The following CSMD3 variants were observed in gnomAD, a reference collection of about 807,000 sequenced individuals.
The protein encoded by CSMD3 is CUB and Sushi multiple domains 3.
CSMD3 carries 177 observed loss-of-function variants against 435.2 expected under a neutral mutation model. The observed-to-expected ratio is 0.41, with a 90% CI of 0.36 to 0.46. The LOEUF (loss-of-function observed/expected upper bound fraction) is 0.46, where lower values mean the gene tolerates loss of function less well. Among genes scored for constraint, CSMD3 ranks in the 20% least tolerant of loss-of-function variants. The probability of loss-of-function intolerance (pLI) is 0.34; values close to 1 mark genes in which losing one functional copy is unlikely to be tolerated. For missense variants in CSMD3, 4,265 were observed against 4,504.6 expected, an observed-to-expected ratio of 0.95 and a Z score of 1.52; for synonymous variants, 1,656 against 1,520.5, an observed-to-expected ratio of 1.09 and a Z score of -2.07.
intron 32 of CSMD3, among the ~76,000 whole-genome samples, chr8:112,438,990 A>C (rs562605990): frequency 2.1e-4 from 32 of 152,142 alleles, no homozygotes; most frequent in Non-Finnish European, 3.8e-4. Flanking sequence ...CTAATTTTAC[A>C]AGCTGTTGAA....
intron 30 of CSMD3, among the ~76,000 whole-genome samples, chr8:112,493,952 G>C (rs1182474619): frequency 2.0e-5 from 3 of 151,892 alleles, no homozygotes; most frequent in Non-Finnish European, 2.9e-5. Context: ...TCAGACAGTG[G>C]GTATATCTCT....
rs1489806376 is a variant in CSMD3 at position 112,292,529 on chromosome 8, A to G, written c.8788+8T>C. 1.2e-6 allele frequency: 2 copies of G among 1,613,252 alleles called. No individual in the cohort carries two copies. Among genetic ancestry groups the G allele is most frequent in the African/African-American group, 2.7e-5 (2 of 74,894 alleles). ...TGCCACCAAATGGGAATATACTTAGACATTTACCTTTGCACATAGGTGGAG... is the reference window on the plus strand; with the variant it reads ...TGCCACCAAATGGGAATATACTTAGGCATTTACCTTTGCACATAGGTGGAG... On this transcript the variant is annotated splice_region_variant and intron_variant, in intron 55 of 70. Coordinates refer to ENST00000297405, the MANE Select transcript of CSMD3 (RefSeq NM_198123.2).
chr8:112,257,139 C>T, intron 61 of CSMD3, among the ~76,000 whole-genome samples: 1 of 152,008 alleles, frequency 6.6e-6, no homozygotes, highest in Non-Finnish European at 1.5e-5. Flanking sequence ...ATAACAAACC[C>T]ACAGCCAATA....
At chr8:113,115,282 G>A (rs1373856847) in intron 4 of CSMD3, among the ~76,000 whole-genome samples, 1 of 152,148 alleles carries the variant, frequency 6.6e-6, no homozygotes, top group Non-Finnish European at 1.5e-5. Flanking sequence ...ATTTTGAGGT[G>A]TTCTCCTTTT....
At position 113,087,201 on chromosome 8, in the gene CSMD3, T is replaced by C. The variant is rs141747751; in HGVS notation, c.917+11555A>G. Among the ~76,000 whole-genome samples the C allele has an allele frequency of 9.2e-4, 140 of 152,326 alleles. 1 individual carries two copies. In the East Asian group the frequency reaches 0.024, roughly 26 times the overall value. On this transcript the variant is annotated intron_variant, in intron 5 of 70. Transcript: ENST00000297405. Reference sequence around the variant, plus strand: ...AACCACATACGTGGAAAGTGGCATCTTTTTTATGAATCCACCAACTTCTTA... The same window carrying C: ...AACCACATACGTGGAAAGTGGCATCCTTTTTATGAATCCACCAACTTCTTA...
At chr8:112,876,936 A>G (rs1238813526) in intron 10 of CSMD3, among the ~76,000 whole-genome samples, 1 of 152,182 alleles carries the variant, frequency 6.6e-6, no homozygotes, top group Non-Finnish European at 1.5e-5. Context: ...CAATATGGAA[A>G]AATCACAATT....
intron 47 of CSMD3, among the ~76,000 whole-genome samples, chr8:112,315,171 A>G (rs1438242415): frequency 1.3e-5 from 2 of 152,000 alleles, no homozygotes; most frequent in South Asian, 4.1e-4. Context: ...TCAGCTCTAC[A>G]CTATCTCCAG....
At chr8:112,339,869 TCA>T (rs1202409646) in intron 42 of CSMD3, among the ~76,000 whole-genome samples, 1 of 152,182 alleles carries the variant, frequency 6.6e-6, no homozygotes, top group Non-Finnish European at 1.5e-5. Context: ...ATTTTAAAAC[TCA>T]GTGTGATTCA....
Position 112,408,522 on chromosome 8 carries a change from T to C in CSMD3, c.5510-109A>G. 5.0e-6 allele frequency: 4 copies of C among 796,996 alleles called. No homozygotes were observed. In the East Asian group the frequency reaches 1.0e-4, roughly 20 times the overall value. 49.4% of individuals were successfully genotyped at this position (796,996 alleles called of 1,614,324 possible). On this transcript the variant is annotated intron_variant, in intron 33 of 70. Transcript: ENST00000297405. ...CATTTGAAAATGTCAATCTATGTTC[T>C]ATCAAATTACTTTAAAATATCCTAC...
At position 113,314,808 on chromosome 8, in the gene CSMD3, A is replaced by G. The variant is rs2132672138; in HGVS notation, c.179-15T>C. The G allele has an allele frequency of 7.1e-7, 1 of 1,414,148 alleles. No homozygotes were observed. The highest frequency in any genetic ancestry group is 1.0e-6 in the Non-Finnish European group (1 of 998,922). 87.6% of individuals were successfully genotyped at this position (1,414,148 alleles called of 1,614,324 possible). On this transcript the variant is annotated splice_polypyrimidine_tract_variant and intron_variant, in intron 1 of 70. Transcript: ENST00000297405. ...ATAAATAAATCCTGCAACAAAAGACAATAAACAGACATTAATATTATATAA... is the reference window on the plus strand; with the variant it reads ...ATAAATAAATCCTGCAACAAAAGACGATAAACAGACATTAATATTATATAA...
chr8:113,392,226 A>T (rs899683701), intron 1 of CSMD3, among the ~76,000 whole-genome samples: 12 of 152,112 alleles, frequency 7.9e-5, no homozygotes, highest in African/African-American at 2.9e-4. Flanking sequence ...TAATTGTATA[A>T]ATTATAATTA....
At chr8:113,394,159 T>TACACAC (rs3080772) in intron 1 of CSMD3, among the ~76,000 whole-genome samples, 14,792 of 137,032 alleles carry the variant, frequency 0.11, 792 homozygotes, top group African/African-American at 0.16. Flanking sequence ...TTTGTTGAAT[T>TACACAC]ACACACACAC....
chr8:112,404,945 A>AG (rs1196091129), intron 35 of CSMD3, among the ~76,000 whole-genome samples: 1 of 151,316 alleles, frequency 6.6e-6, no homozygotes, highest in African/African-American at 2.4e-5. Flanking sequence ...TGGGAGGCCG[A>AG]GGGGGGTGGA....
intron 3 of CSMD3, among the ~76,000 whole-genome samples, chr8:113,242,290 T>C (rs2093227658): frequency 6.6e-6 from 1 of 151,960 alleles, no homozygotes; most frequent in South Asian, 2.1e-4. Context: ...ATTAATACAA[T>C]AAAGAGGAGC....
intron 4 of CSMD3, among the ~76,000 whole-genome samples, chr8:113,154,050 A>T (rs2091886052): frequency 6.6e-6 from 1 of 152,040 alleles, no homozygotes; most frequent in African/African-American, 2.4e-5. Context: ...TTTAAATTAT[A>T]TACTTTGATG....
intron 1 of CSMD3, among the ~76,000 whole-genome samples, chr8:113,334,484 A>G (rs1039483987): frequency 6.6e-6 from 1 of 151,554 alleles, no homozygotes; most frequent in Admixed American, 6.6e-5. Context: ...CTACTTGCTG[A>G]TATTTTGCTT....
chr8:112,517,620 C>G (rs1048920227), intron 27 of CSMD3, among the ~76,000 whole-genome samples: 1 of 151,912 alleles, frequency 6.6e-6, no homozygotes, highest in East Asian at 1.9e-4. Flanking sequence ...TGAGCAAAGA[C>G]ATTTTAATGA....
intron 34 of CSMD3, among the ~76,000 whole-genome samples, chr8:112,407,359 C>G (rs919826044): frequency 6.6e-6 from 1 of 151,652 alleles, no homozygotes; most frequent in East Asian, 1.9e-4. Flanking sequence ...ATAGGTATGC[C>G]CTTTAATTGT....
intron 6 of CSMD3, among the ~76,000 whole-genome samples, chr8:112,986,559 T>C (rs2085261060): frequency 1.3e-5 from 2 of 152,224 alleles, no homozygotes; most frequent in African/African-American, 4.8e-5. Flanking sequence ...TCTTCAACCA[T>C]TTTAGTATTA....
Sources: allele counts gnomAD v4.1 joint callset (sites outside exome capture counted in the v4.1 genomes callset), GRCh38; gene constraint gnomAD v4.1.1; transcripts MANE v1.5; gene names NCBI Gene and HGNC (gene_info 2026-07-23, HGNC 2026-07-21).